Variants in FARS2 observed in about 807,000 individuals in gnomAD.
FARS2 encodes the protein phenylalanine--tRNA ligase, mitochondrial.
Under a neutral mutation model 46.4 loss-of-function variants are expected in FARS2, and 40 were observed. That is an observed-to-expected ratio of 0.86 (90% CI 0.67 to 1.12). The LOEUF (loss-of-function observed/expected upper bound fraction) is 1.12. Among genes scored for constraint, FARS2 ranks in the 50% most tolerant of loss-of-function variants. FARS2 has a pLI of 0.00. For synonymous variants in FARS2, 234 were observed against 214.9 expected, an observed-to-expected ratio of 1.09 and a Z score of -0.78; for missense variants, 513 against 567.9, an observed-to-expected ratio of 0.90 and a Z score of 0.98.
intron 6 of FARS2, among the ~76,000 whole-genome samples, chr6:5,724,207 C>T (rs1338561306): frequency 1.3e-5 from 2 of 152,244 alleles, no homozygotes; most frequent in Non-Finnish European, 2.9e-5. Context: ...ACAGGGCTGT[C>T]AGCCATCAGA....
chr6:5,634,937 T>C (rs1042821943), intron 6 of FARS2, among the ~76,000 whole-genome samples: 9 of 152,234 alleles, frequency 5.9e-5, no homozygotes, highest in Non-Finnish European at 1.3e-4. Context: ...ATATTCCCTC[T>C]TATTTCTTAA....
At chr6:5,386,424 T>C (rs1487564828) in intron 2 of FARS2, among the ~76,000 whole-genome samples, 1 of 151,992 alleles carries the variant, frequency 6.6e-6, no homozygotes, top group Non-Finnish European at 1.5e-5. Flanking sequence ...TTTACTAAAT[T>C]TTAAGGGGCC....
intron 6 of FARS2, among the ~76,000 whole-genome samples, chr6:5,747,507 G>A (rs1280188026): frequency 6.6e-6 from 1 of 152,202 alleles, no homozygotes; most frequent in African/African-American, 2.4e-5. Flanking sequence ...AGGGTGTGAA[G>A]TAAGTGACAC....
chr6:5,675,292 C>T (rs764762355), intron 6 of FARS2, among the ~76,000 whole-genome samples: 3 of 151,854 alleles, frequency 2.0e-5, no homozygotes, highest in African/African-American at 4.8e-5. Flanking sequence ...CATACAGGGA[C>T]TTGATTGTCA....
chr6:5,683,041 G>A (rs1779113261), intron 6 of FARS2, among the ~76,000 whole-genome samples: 1 of 152,246 alleles, frequency 6.6e-6, no homozygotes, highest in Non-Finnish European at 1.5e-5. Flanking sequence ...CAGGGGCTGG[G>A]ACATGTAGGG....
chr6:5,397,990 G>A (rs1188892786), intron 2 of FARS2, among the ~76,000 whole-genome samples: 1 of 152,128 alleles, frequency 6.6e-6, no homozygotes, highest in African/African-American at 2.4e-5. Flanking sequence ...TGACAAAAAT[G>A]CCATGGAGAT....
At chr6:5,617,096 A>T (rs73360240) in intron 6 of FARS2, among the ~76,000 whole-genome samples, 6,019 of 152,020 alleles carry the variant, frequency 0.04, 399 homozygotes, top group African/African-American at 0.13. Flanking sequence ...CCAGGGACAG[A>T]TCAGGCAGGC....
chr6:5,686,345 C>T (rs867176680), intron 6 of FARS2, among the ~76,000 whole-genome samples: 4 of 151,056 alleles, frequency 2.6e-5, no homozygotes, highest in South Asian at 2.1e-4. Flanking sequence ...AATGCTCTCC[C>T]CCCCCGCTGC....
intron 3 of FARS2, among the ~76,000 whole-genome samples, chr6:5,418,895 A>ATTT (rs1325224869): frequency 6.6e-6 from 1 of 151,650 alleles, no homozygotes; most frequent in African/African-American, 2.4e-5. Flanking sequence ...TATTATTATT[A>ATTT]TTAGTTTTTC....
chr6:5,396,137 A>G (rs1234529764), intron 2 of FARS2, among the ~76,000 whole-genome samples: 1 of 152,198 alleles, frequency 6.6e-6, no homozygotes, highest in Non-Finnish European at 1.5e-5. Flanking sequence ...TGGAATTCAT[A>G]TAAACTGCTT....
At chr6:5,581,916 T>C (rs1032604981) in intron 5 of FARS2, among the ~76,000 whole-genome samples, 4 of 151,176 alleles carry the variant, frequency 2.6e-5, no homozygotes, top group African/African-American at 9.7e-5. Context: ...GATGCGCTTC[T>C]ATAAATGGTC....
At chr6:5,583,267 A>G (rs1361934498) in intron 5 of FARS2, among the ~76,000 whole-genome samples, 1 of 152,240 alleles carries the variant, frequency 6.6e-6, no homozygotes, top group African/African-American at 2.4e-5. Flanking sequence ...TCTTGTTTGC[A>G]TGAGCAGATA....
chr6:5,534,861 A>ACACACACACACTTGCACGCGCG (rs745752651), intron 4 of FARS2, among the ~76,000 whole-genome samples: 44 of 150,410 alleles, frequency 2.9e-4, no homozygotes, highest in African/African-American at 9.2e-4. Context: ...TTGCACGCGC[A>ACACACACACACTTGCACGCGCG]CACACACACA....
intron 4 of FARS2, among the ~76,000 whole-genome samples, chr6:5,460,827 C>G (rs990464386): frequency 1.3e-5 from 2 of 152,066 alleles, no homozygotes; most frequent in African/African-American, 4.8e-5. Flanking sequence ...ATTGGAGAAA[C>G]CTAATTTACT....
intron 6 of FARS2, among the ~76,000 whole-genome samples, chr6:5,639,018 G>A (rs550450739): frequency 6.6e-5 from 10 of 152,228 alleles, no homozygotes; most frequent in Non-Finnish European, 1.5e-4. Context: ...TGAAGTCTCT[G>A]TCTTAAAGAT....
chr6:5,735,853 A>C (rs1760910736), intron 6 of FARS2, among the ~76,000 whole-genome samples: 1 of 152,196 alleles, frequency 6.6e-6, no homozygotes, highest in Non-Finnish European at 1.5e-5. Context: ...GCCAAAACTC[A>C]TAAGGAAGTT....
chr6:5,471,393 A>C lies in FARS2; in HGVS notation c.904+40221A>C, dbSNP rs1765798391. 6.6e-6 allele frequency among the ~76,000 whole-genome samples: 1 copy of C among 152,116 alleles called. No homozygotes were observed. The highest frequency in any genetic ancestry group is 1.9e-4 in the East Asian group (1 of 5,194). ...GCAAAAACCCAGGAATCCTTCTCTT[A>C]CCTTTTCTTGCTCTGGCTAATATCC... On this transcript the variant is annotated intron_variant, in intron 4 of 6. Transcript: ENST00000274680. The surrounding 1 kb of genome is among the most constrained non-coding windows in gnomAD (Gnocchi z 4.1).
chr6:5,710,467 G>A (rs1415610316), intron 6 of FARS2, among the ~76,000 whole-genome samples: 1 of 152,092 alleles, frequency 6.6e-6, no homozygotes, highest in African/African-American at 2.4e-5. Flanking sequence ...GTGCAACAAG[G>A]GTTTTCAGAC....
intron 6 of FARS2, among the ~76,000 whole-genome samples, chr6:5,637,416 C>G (rs1217294024): frequency 6.6e-6 from 1 of 152,232 alleles, no homozygotes; most frequent in African/African-American, 2.4e-5. Context: ...ATGACCCGTG[C>G]AGCGTTCCTG....
Sources: allele counts gnomAD v4.1 joint callset (sites outside exome capture counted in the v4.1 genomes callset), GRCh38; gene constraint gnomAD v4.1.1; non-coding constraint Gnocchi (gnomAD v3.1); transcripts MANE v1.5; gene names NCBI Gene and HGNC (gene_info 2026-07-23, HGNC 2026-07-21).